The following IGSF9B variants were observed in gnomAD, a reference collection of about 807,000 sequenced individuals.
The protein encoded by IGSF9B is protein turtle homolog B.
Under a neutral mutation model 143.7 loss-of-function variants are expected in IGSF9B, and 48 were observed. That is an observed-to-expected ratio of 0.33 (90% CI 0.26 to 0.42). The LOEUF is 0.42. IGSF9B is among the 20% of genes least tolerant of loss of function. IGSF9B has a pLI of 1.00. For synonymous variants in IGSF9B, 903 were observed against 833.1 expected (o/e 1.08, Z -1.44); for missense variants, 1,706 against 1,980.0 (o/e 0.86, Z 2.63).
intron 17 of IGSF9B, 86 bp from the exon 18 acceptor site, chr11:133,921,483 A>G: frequency 9.6e-7 from 1 of 1,037,606 alleles, no homozygotes; most frequent in South Asian, 1.9e-5. Context: ...GCAACCACCC[A>G]GCACCCAGGA....
chr11:133,944,425 C>T (rs1418030979), intron 2 of IGSF9B, 59 bp from the exon 3 acceptor site: 9 of 1,553,948 alleles, frequency 5.8e-6, no homozygotes, highest in Admixed American at 1.7e-5. Context: ...AGCAGCTCCC[C>T]GCCCCCTGCC....
intron 18 of IGSF9B, chr11:133,912,454 C>T: frequency 2.3e-6 from 1 of 434,964 alleles, no homozygotes; most frequent in South Asian, 1.6e-5. Context: ...GTGAATCATC[C>T]TCCATCTCCA....
At chr11:133,922,104 G>T (rs2121294686) in intron 17 of IGSF9B, 73 bp downstream of exon 17, 2 of 1,266,282 alleles carry the variant, frequency 1.6e-6, no homozygotes, top group Non-Finnish European at 2.3e-6. Context: ...CATGGGGCTG[G>T]GTAAGGCGAG....
In IGSF9B at chr11:133,903,068, C is replaced by T. The variant is rs1939164865; in HGVS notation, c.*6001G>A. 1.3e-5 allele frequency among the ~76,000 whole-genome samples: 2 copies of T among 151,788 alleles called. No individual in the cohort carries two copies. The highest frequency in any genetic ancestry group is 6.6e-5 in the Admixed American group (1 of 15,240). On this transcript the variant is annotated 3_prime_UTR_variant, in exon 20 of 20. Coordinates refer to ENST00000533871, the MANE Select transcript of IGSF9B (RefSeq NM_001277285.4). ...CCCACCACCTCCCCATCGTAAACCA[C>T]GCACATGTTCACGATCCCTGGAGCC...
In IGSF9B at chr11:133,930,987, T is replaced by C. The variant is rs1339618438; in HGVS notation, c.1516A>G (p.Ile506Val). The stretch of plus-strand genomic sequence containing the variant: ...CCCAGCCTTGCCGGCCACGTACCGA[T>C]GACGGTGAGGTGGGTGCTGGCAGTG... The part of the protein sequence containing the change: ...SITASTHLTV[I>V]GTSPHAPGSV... The change falls in exon 11 of 20, where the codon ATC becomes GTC. Residue 506 changes from isoleucine (I) to valine (V), a missense_variant. By Grantham distance (29) the Ile-to-Val change is conservative. This residue lies in a region of IGSF9B where 267 missense variants were observed against 321.1 expected (regional missense o/e 0.83). Coordinates refer to ENST00000533871, the MANE Select transcript of IGSF9B (RefSeq NM_001277285.4). 2.5e-6 allele frequency: 4 copies of C among 1,610,330 alleles called. No individual in the cohort carries two copies. The highest frequency in any genetic ancestry group is 4.5e-5 in the East Asian group (2 of 44,798).
rs185241570 is a variant in IGSF9B, at chr11:133,921,313, C to T, written c.2412G>A (p.Ala804=). The T allele has an allele frequency of 3.7e-6, 6 of 1,605,706 alleles. No individual in the cohort carries two copies. The South Asian group carries it at 4.4e-5, about 12-fold the overall frequency. The change falls in exon 18 of 20, where the codon GCG becomes GCA. Residue 804 remains alanine, a synonymous_variant. Transcript: ENST00000533871. ...GGGTGGGGCTCAGCATCCTCTTGGC[C>T]GCGGGCTGGCCCTGGTCGTCGGAGG... The part of the protein sequence containing the change: ...SESSDDQGQP[A]AKRMLSPTRE...
chr11:133,929,827 A>C, intron 11 of IGSF9B, 45 bp from the exon 12 acceptor site: 1 of 1,384,222 alleles, frequency 7.2e-7, no homozygotes, highest in Non-Finnish European at 1.0e-6. Flanking sequence ...GAACTCAGCC[A>C]CGTGGCTGGG....
At chr11:133,936,349 C>T (rs1202741569) in intron 5 of IGSF9B, among the ~76,000 whole-genome samples, 155 bp from the exon 6 acceptor site, 1 of 152,112 alleles carries the variant, frequency 6.6e-6, no homozygotes, top group Non-Finnish European at 1.5e-5. Flanking sequence ...TATCTGTGCT[C>T]AGGCATCCTG....
chr11:133,952,826 C>T (rs1396972635), intron 1 of IGSF9B, among the ~76,000 whole-genome samples: 1 of 152,138 alleles, frequency 6.6e-6, no homozygotes, highest in Non-Finnish European at 1.5e-5. Context: ...CACTTCTGGA[C>T]AGCTGGAAGC....
chr11:133,897,032 G>A lies in IGSF9B; in HGVS notation c.*12037C>T, dbSNP rs932818940. 3 of 152,308 alleles carry A rather than the reference G, an allele frequency of 2.0e-5. No individual in the cohort carries two copies. Among genetic ancestry groups the A allele is most frequent in the African/African-American group, 4.8e-5 (2 of 41,464 alleles). 9.4% of individuals were successfully genotyped at this position (152,308 alleles called of 1,614,324 possible). ...AGGAAAGCAAGGAAGGGTTCGGGAGGAGACAGTTCCTCCTACTCTTGGAAG... is the reference window on the plus strand; with the variant it reads ...AGGAAAGCAAGGAAGGGTTCGGGAGAAGACAGTTCCTCCTACTCTTGGAAG... On this transcript the variant is annotated 3_prime_UTR_variant, in exon 20 of 20. Coordinates refer to ENST00000533871, the MANE Select transcript of IGSF9B (RefSeq NM_001277285.4).
At position 133,908,893 on chromosome 11, in the gene IGSF9B, C is replaced by T; in HGVS notation, c.*176G>A. The T allele has an allele frequency of 1.6e-6, 1 of 612,542 alleles. No individual in the cohort carries two copies. The allele number at this position is 612,542 out of a possible 1,614,324, so 37.9% of individuals were successfully genotyped here. A position where few individuals can be genotyped will look rare whatever the true frequency, so the allele number is the denominator to read the frequency against. ...GGTGGAAGGTGTGCCCACCCTCCGT[C>T]CTGAAGACAGGCGGCCAGGATCTGG... On this transcript the variant is annotated 3_prime_UTR_variant, in exon 20 of 20. Transcript: ENST00000533871.
At chr11:133,940,022 T>A in intron 3 of IGSF9B, among the ~76,000 whole-genome samples, 2 of 113,734 alleles carry the variant, frequency 1.8e-5, no homozygotes, top group East Asian at 6.1e-4. Context: ...CGTCATCACA[T>A]GCAAAAACAT....
chr11:133,955,275 A>G (rs904629811), intron 1 of IGSF9B, among the ~76,000 whole-genome samples: 5 of 152,190 alleles, frequency 3.3e-5, no homozygotes, highest in Admixed American at 6.5e-5. Flanking sequence ...CCCTTGCCTC[A>G]GTGTTCCCAC....
chr11:133,931,630 G>A lies in IGSF9B; in HGVS notation c.1251+25C>T, dbSNP rs765246921. The A allele has an allele frequency of 6.2e-7, 1 of 1,608,306 alleles. No individual in the cohort carries two copies. Among genetic ancestry groups the A allele is most frequent in the Admixed American group, 1.7e-5 (1 of 59,584 alleles). Reference sequence around the variant, plus strand: ...GGGATCCAGGTGCCCAGCTCATGGAGGCCGTCACAGCCCTGGGACCTCACC... The same window carrying A: ...GGGATCCAGGTGCCCAGCTCATGGAAGCCGTCACAGCCCTGGGACCTCACC... On this transcript the variant is annotated intron_variant, in intron 9 of 19. Coordinates refer to ENST00000533871, the MANE Select transcript of IGSF9B (RefSeq NM_001277285.4). The surrounding 1 kb of genome is among the most constrained non-coding windows in gnomAD (Gnocchi z 7.7).
At chr11:133,923,826 CA>C (rs1939581714) in intron 15 of IGSF9B, among the ~76,000 whole-genome samples, 1 of 152,234 alleles carries the variant, frequency 6.6e-6, no homozygotes. Context: ...ACAGAATGGT[CA>C]GGGGTGGGCC....
chr11:133,904,648 C>CT lies in IGSF9B; in HGVS notation c.*4420dup, dbSNP rs1270954146. ...TTGGGATGATCCCCCAGTGTGTACC[C>CT]TGCACCCTTACAAGTAACTAAGTTA... On this transcript the variant is annotated 3_prime_UTR_variant, in exon 20 of 20. Coordinates refer to ENST00000533871, the MANE Select transcript of IGSF9B (RefSeq NM_001277285.4). Among the ~76,000 whole-genome samples the CT allele has an allele frequency of 6.6e-6, 1 of 152,024 alleles. No individual in the cohort carries two copies. The highest frequency in any genetic ancestry group is 1.9e-4 in the East Asian group (1 of 5,174).
Position 133,903,589 on chromosome 11 carries a change from T to C in IGSF9B, c.*5480A>G, listed in dbSNP as rs1161284802. The stretch of plus-strand genomic sequence containing the variant: ...CCTGTATGGATGCTTCATTTATCCT[T>C]ATCCTACATGGGATCCCTCAGGGGA... On this transcript the variant is annotated 3_prime_UTR_variant, in exon 20 of 20. Coordinates refer to ENST00000533871, the MANE Select transcript of IGSF9B (RefSeq NM_001277285.4). 6.6e-6 allele frequency among the ~76,000 whole-genome samples: 1 copy of C among 152,236 alleles called. No homozygotes were observed. The highest frequency in any genetic ancestry group is 6.5e-5 in the Admixed American group (1 of 15,288).
chr11:133,945,534 C>T lies in IGSF9B; in HGVS notation c.262+527G>A, dbSNP rs966284319. On this transcript the variant is annotated intron_variant, in intron 2 of 19. Transcript: ENST00000533871. This position sits in a 1 kb window ranked among gnomAD's most constrained non-coding sequence, Gnocchi z 4.6. ...GGGGGCAGGCAGCGGCAGTGAGTCA[C>T]GAGGCCTTTGCTGGCAGGAGTAACT... Among the ~76,000 whole-genome samples the T allele has an allele frequency of 9.2e-5, 14 of 152,282 alleles. No individual in the cohort carries two copies. Among genetic ancestry groups the T allele is most frequent in the African/African-American group, 2.2e-4 (9 of 41,572 alleles).
chr11:133,940,347 GCGTCATCGCACGCACACACACCTCGCA>G (rs1939921253), intron 3 of IGSF9B, among the ~76,000 whole-genome samples: 1 of 135,486 alleles, frequency 7.4e-6, no homozygotes, highest in South Asian at 2.4e-4. Flanking sequence ...GTCCTCGCAC[GCGTCATCGCACGCACACACACCTCGCA>G]CGTCCTCGCA....
Sources: gnomAD v4.1 joint callset for allele counts (sites outside exome capture counted in the v4.1 genomes callset) on GRCh38, gnomAD v4.1.1 for gene constraint, gnomAD v4.1.1 regional missense constraint, Gnocchi (gnomAD v3.1) non-coding constraint, MANE v1.5 for transcripts, NCBI Gene and HGNC (gene_info 2026-07-23, HGNC 2026-07-21) for gene names.